The following MS4A4A variants were observed in gnomAD, a reference collection of about 807,000 sequenced individuals.
The protein encoded by MS4A4A is membrane-spanning 4-domains subfamily A member 4A.
A neutral mutation model predicts 28.0 loss-of-function variants in MS4A4A; 26 were observed. That is an observed-to-expected ratio of 0.93 (90% CI 0.68 to 1.29). The LOEUF (loss-of-function observed/expected upper bound fraction) is 1.29. Ranked by LOEUF, MS4A4A falls within the 50% of genes most tolerant of loss-of-function variation. The pLI is 0.00. For synonymous variants in MS4A4A, 86 were observed against 100.8 expected, an observed-to-expected ratio of 0.85 and a Z score of 0.88; for missense variants, 290 against 293.1, an observed-to-expected ratio of 0.99 and a Z score of 0.08.
intron 1 of MS4A4A, chr11:60,282,855 G>T: frequency 1.4e-6 from 1 of 734,248 alleles, no homozygotes; most frequent in Non-Finnish European, 1.8e-6. Context: ...AGGGGATGGT[G>T]ACTCAATTGT....
At position 60,294,919 on chromosome 11, in the gene MS4A4A, T is replaced by A. The variant is rs931051836; in HGVS notation, c.202-2278T>A. 3.5e-3 allele frequency among the ~76,000 whole-genome samples: 527 copies of A among 150,756 alleles called. 2 individuals are homozygous for A. Among genetic ancestry groups the A allele is most frequent in the African/African-American group, 0.01 (426 of 41,168 alleles). The stretch of plus-strand genomic sequence containing the variant: ...TTCTTCTTCTTCTTCTTCTTCTTCT[T>A]CTTCTTCTTCTTCTTCTTCTTCTTC... On this transcript the variant is annotated intron_variant, in intron 2 of 6. Transcript: ENST00000337908.
At chr11:60,282,508 T>C in intron 1 of MS4A4A, 3 of 1,140,704 alleles carry the variant, frequency 2.6e-6, no homozygotes, top group Non-Finnish European at 3.4e-6. Flanking sequence ...GGGGGAATAG[T>C]GTCTGAGAGA....
chr11:60,306,081 GT>G lies in MS4A4A; in HGVS notation c.547-17del. ...TCATCTCCATTTCTCACATTCCTTT[GT>G]TATGAGTTTTCTCCTAGGGTCTGGA... On this transcript the variant is annotated intron_variant, in intron 5 of 6. Coordinates refer to ENST00000337908, the MANE Select transcript of MS4A4A (RefSeq NM_148975.3). 1 of 1,562,432 alleles carries G rather than the reference GT, an allele frequency of 6.4e-7. No individual in the cohort carries two copies. Among genetic ancestry groups the G allele is most frequent in the Non-Finnish European group, 8.8e-7 (1 of 1,136,180 alleles).
chr11:60,290,090 A>G (rs369179483), intron 1 of MS4A4A: 9 of 445,316 alleles, frequency 2.0e-5, no homozygotes, highest in Non-Finnish European at 3.6e-5. Flanking sequence ...ATGGACTCCA[A>G]TGGAGGACTT....
chr11:60,299,633 C>T lies in MS4A4A; in HGVS notation c.331-1368C>T, dbSNP rs867575549. Among the ~76,000 whole-genome samples, 52 of 151,908 alleles carry T rather than the reference C, an allele frequency of 3.4e-4. 1 individual carries two copies. The highest frequency in any genetic ancestry group is 6.6e-4 in the Non-Finnish European group (45 of 67,938). The stretch of plus-strand genomic sequence containing the variant: ...AACTACAGGCACCCGCCACCACACC[C>T]GGCTAATTTTTTTGTATTTTTAGTA... On this transcript the variant is annotated intron_variant, in intron 3 of 6. Transcript: ENST00000337908.
chr11:60,292,127 A>C, intron 1 of MS4A4A, 98 bp from the exon 2 acceptor site: 1 of 1,371,582 alleles, frequency 7.3e-7, no homozygotes, highest in Non-Finnish European at 9.7e-7. Context: ...AAGAGAATGT[A>C]GACCAGATTC....
At chr11:60,291,405 C>CA (rs2084854553) in intron 1 of MS4A4A, among the ~76,000 whole-genome samples, 1 of 152,096 alleles carries the variant, frequency 6.6e-6, no homozygotes, top group Admixed American at 6.5e-5. Flanking sequence ...ATTTTCAGCC[C>CA]TGTGAATTTA....
At position 60,297,441 on chromosome 11, in the gene MS4A4A, T is replaced by G. The variant is rs903884953; in HGVS notation, c.330+116T>G. The G allele has an allele frequency of 1.4e-5, 16 of 1,143,522 alleles. No homozygotes were observed. The African/African-American group carries it at 1.7e-4, about 12-fold the overall frequency. 70.8% of individuals were successfully genotyped at this position (1,143,522 alleles called of 1,614,324 possible). A position where few individuals can be genotyped will look rare whatever the true frequency, so the allele number is the denominator to read the frequency against. On this transcript the variant is annotated intron_variant, in intron 3 of 6. Coordinates refer to ENST00000337908, the MANE Select transcript of MS4A4A (RefSeq NM_148975.3). ...TAATTCTGTAAATCTGAGAGTGGTA[T>G]CTAACCATTTCTTACTCAATTTTCT...
At chr11:60,290,052 T>G (rs12279983) in intron 1 of MS4A4A, 1 of 438,164 alleles carries the variant, frequency 2.3e-6, no homozygotes, top group South Asian at 1.6e-5. Context: ...CTTGCAGGCT[T>G]GTATCAAGGA....
intron 5 of MS4A4A, among the ~76,000 whole-genome samples, 156 bp downstream of exon 5, chr11:60,302,873 G>A (rs911351029): frequency 6.6e-6 from 1 of 152,156 alleles, no homozygotes; most frequent in Non-Finnish European, 1.5e-5. Context: ...TAGGAGTTAG[G>A]TACATGTCTC....
intron 5 of MS4A4A, among the ~76,000 whole-genome samples, chr11:60,303,422 G>T (rs1489409955): frequency 6.6e-6 from 1 of 152,012 alleles, no homozygotes; most frequent in Non-Finnish European, 1.5e-5. Flanking sequence ...TTATTAAAAA[G>T]CCTGGCAGGG....
At chr11:60,290,796 G>T (rs953170620) in intron 1 of MS4A4A, among the ~76,000 whole-genome samples, 23 of 151,636 alleles carry the variant, frequency 1.5e-4, no homozygotes, top group African/African-American at 5.3e-4. Flanking sequence ...CAGTTTTATT[G>T]TTAGATAGCT....
At chr11:60,289,343 C>T (rs954169081) in intron 1 of MS4A4A, among the ~76,000 whole-genome samples, 1 of 152,066 alleles carries the variant, frequency 6.6e-6, no homozygotes, top group African/African-American at 2.4e-5. Flanking sequence ...GTGATGGGAG[C>T]TGCTGGGGTC....
chr11:60,302,620 T>C lies in MS4A4A; in HGVS notation c.449T>C (p.Ile150Thr). 4 of 1,613,994 alleles carry C rather than the reference T, an allele frequency of 2.5e-6. No individual in the cohort carries two copies. Among genetic ancestry groups the C allele is most frequent in the Non-Finnish European group, 3.4e-6 (4 of 1,179,962 alleles). Residue 150 changes from isoleucine (I) to threonine (T), a missense_variant, in exon 5 of 7, where the codon ATC becomes ACC. Ile to Thr is a moderately conservative substitution (Grantham distance 89). Transcript: ENST00000337908. ...SSVLAASGIL[I>T]NTFSLAFYSF... ...GTACTGGCTGCATCAGGGATCTTAA[T>C]CAACACATTTAGCTTGGCGTTTTAT...
intron 4 of MS4A4A, among the ~76,000 whole-genome samples, chr11:60,301,764 GTTTT>G: frequency 6.6e-6 from 1 of 151,504 alleles, no homozygotes; most frequent in African/African-American, 2.4e-5. Context: ...TTTTTTGTTT[GTTTT>G]TTTTCTGGTT....
chr11:60,289,812 T>A (rs527451638), intron 1 of MS4A4A, among the ~76,000 whole-genome samples: 120 of 152,354 alleles, frequency 7.9e-4, no homozygotes, highest in Non-Finnish European at 1.6e-3. Flanking sequence ...TCCAGTTGAC[T>A]AATTCTATTT....
At chr11:60,299,671 C>T (rs899541832) in intron 3 of MS4A4A, among the ~76,000 whole-genome samples, 4 of 152,054 alleles carry the variant, frequency 2.6e-5, no homozygotes, top group African/African-American at 9.7e-5. Context: ...GACGGGGTTT[C>T]ACTGTGGTCT....
chr11:60,302,619 A>C lies in MS4A4A; in HGVS notation c.448A>C (p.Ile150Leu). Residue 150 changes from isoleucine to leucine, a missense_variant, in exon 5 of 7, where the codon ATC becomes CTC. By Grantham distance (5) the Ile-to-Leu change is conservative. Transcript: ENST00000337908. ...SSVLAASGILINTFSLAFYSF... is the reference protein window; with the variant it reads ...SSVLAASGILLNTFSLAFYSF... ...TGTACTGGCTGCATCAGGGATCTTAATCAACACATTTAGCTTGGCGTTTTA... is the reference window on the plus strand; with the variant it reads ...TGTACTGGCTGCATCAGGGATCTTACTCAACACATTTAGCTTGGCGTTTTA... 1.2e-6 allele frequency: 2 copies of C among 1,614,008 alleles called. No individual in the cohort carries two copies. The highest frequency in any genetic ancestry group is 1.7e-6 in the Non-Finnish European group (2 of 1,179,976).
At chr11:60,296,784 T>A (rs1171917877) in intron 2 of MS4A4A, 8 of 220,018 alleles carry the variant, frequency 3.6e-5, no homozygotes, top group Non-Finnish European at 7.1e-5. Context: ...AATATCATAT[T>A]TGCTTTTCTT....
Sources: gnomAD v4.1 joint callset for allele counts (sites outside exome capture counted in the v4.1 genomes callset) on GRCh38, gnomAD v4.1.1 for gene constraint, MANE v1.5 for transcripts, NCBI Gene and HGNC (gene_info 2026-07-23, HGNC 2026-07-21) for gene names.